Variants in AKAP19 observed in about 807,000 individuals in gnomAD.
The protein encoded by AKAP19 is A-kinase anchoring protein 19.
At chr2:190,100,895 A>G in the AKAP19 span, among the ~76,000 whole-genome samples, 1 of 152,172 alleles carries the variant, frequency 6.6e-6, no homozygotes, top group Non-Finnish European at 1.5e-5. Flanking sequence ...GTGAAGCCCC[A>G]GTAGGTGAGA....
chr2:190,027,151 A>G, the AKAP19 span, among the ~76,000 whole-genome samples: 1 of 152,160 alleles, frequency 6.6e-6, no homozygotes, highest in South Asian at 2.1e-4. Context: ...CTTTATACCC[A>G]ACACCATTTG....
chr2:189,923,390 T>C, the AKAP19 span: 1 of 1,612,782 alleles, frequency 6.2e-7, no homozygotes, highest in Non-Finnish European at 8.5e-7. Context: ...CTCCCGTGTA[T>C]TCATTGGGAA....
At chr2:189,955,090 C>T in the AKAP19 span, among the ~76,000 whole-genome samples, 2 of 152,042 alleles carry the variant, frequency 1.3e-5, no homozygotes, top group African/African-American at 2.4e-5. Context: ...TTCATCTGTA[C>T]CTGCCTCCCA....
chr2:190,103,875 G>A, the AKAP19 span, among the ~76,000 whole-genome samples: 1 of 152,020 alleles, frequency 6.6e-6, no homozygotes, highest in South Asian at 2.1e-4. Flanking sequence ...AATAGCCAAA[G>A]CAATCCTAAG....
At chr2:189,951,049 A>G in the AKAP19 span, among the ~76,000 whole-genome samples, 1 of 152,074 alleles carries the variant, frequency 6.6e-6, no homozygotes, top group African/African-American at 2.4e-5. Flanking sequence ...AGATAAGGGA[A>G]GTTTTGGGGT....
the AKAP19 span, among the ~76,000 whole-genome samples, chr2:190,126,872 A>C: frequency 1.3e-5 from 2 of 152,146 alleles, no homozygotes; most frequent in African/African-American, 4.8e-5. Context: ...TTGTAAGTTT[A>C]AATAGACTAT....
the AKAP19 span, among the ~76,000 whole-genome samples, chr2:189,996,403 A>G: frequency 6.6e-6 from 1 of 151,942 alleles, no homozygotes; most frequent in Non-Finnish European, 1.5e-5. Flanking sequence ...TCTACAGTGC[A>G]GTTTGTATTT....
the AKAP19 span, among the ~76,000 whole-genome samples, chr2:189,969,667 T>G: frequency 6.9e-6 from 1 of 144,844 alleles, no homozygotes; most frequent in South Asian, 2.2e-4. Flanking sequence ...AGGCAGAGGT[T>G]GTGGTGAGCC....
At chr2:190,140,997 A>G in the AKAP19 span, among the ~76,000 whole-genome samples, 1 of 152,320 alleles carries the variant, frequency 6.6e-6, no homozygotes, top group South Asian at 2.1e-4. Flanking sequence ...TCTCTAGGGC[A>G]GGGGAAAAAT....
the AKAP19 span, among the ~76,000 whole-genome samples, chr2:190,111,807 G>T: frequency 6.6e-6 from 1 of 152,002 alleles, no homozygotes; most frequent in Non-Finnish European, 1.5e-5. Context: ...AAAAACAATT[G>T]TTTTTTGTGT....
At chr2:189,892,806 G>A in the AKAP19 span, among the ~76,000 whole-genome samples, 12 of 152,234 alleles carry the variant, frequency 7.9e-5, no homozygotes, top group Non-Finnish European at 1.8e-4. Context: ...AGGCAGGAAT[G>A]TTTAAGTCTG....
chr2:190,195,994 C>T, the AKAP19 span, among the ~76,000 whole-genome samples: 4 of 131,728 alleles, frequency 3.0e-5, no homozygotes, highest in African/African-American at 8.6e-5. Context: ...TTCCAGCACT[C>T]GTTGAAAAGA....
chr2:190,098,784 C>T, the AKAP19 span, among the ~76,000 whole-genome samples: 1 of 152,178 alleles, frequency 6.6e-6, no homozygotes, highest in Non-Finnish European at 1.5e-5. Flanking sequence ...GTGTAGCCAC[C>T]TTCATCAATG....
chr2:190,144,938 T>C, the AKAP19 span, among the ~76,000 whole-genome samples: 1 of 151,112 alleles, frequency 6.6e-6, no homozygotes, highest in African/African-American at 2.4e-5. Context: ...TATCACTGCA[T>C]TGCACTCCAC....
the AKAP19 span, among the ~76,000 whole-genome samples, chr2:190,159,770 A>G: frequency 1.3e-5 from 2 of 152,246 alleles, no homozygotes; most frequent in Non-Finnish European, 2.9e-5. Context: ...TTTGGCATAC[A>G]TGGAAGCCAA....
the AKAP19 span, among the ~76,000 whole-genome samples, chr2:189,958,981 CA>C: frequency 2.6e-5 from 4 of 151,832 alleles, no homozygotes; most frequent in South Asian, 8.3e-4. Context: ...ATAAAATACA[CA>C]AAAGTGAGGA....
chr2:189,967,157 C>T, the AKAP19 span, among the ~76,000 whole-genome samples: 2 of 152,160 alleles, frequency 1.3e-5, no homozygotes, highest in African/African-American at 4.8e-5. Context: ...ATTTTCCTTC[C>T]TCCTCCTATA....
the AKAP19 span, among the ~76,000 whole-genome samples, chr2:190,190,646 T>C: frequency 3.9e-5 from 6 of 152,332 alleles, no homozygotes; most frequent in Admixed American, 2.6e-4. Flanking sequence ...TTTAAAATGG[T>C]TGTACCATTT....
At chr2:190,056,537 C>T in the AKAP19 span, 1 of 152,492 alleles carries the variant, frequency 6.6e-6, no homozygotes, top group African/African-American at 2.4e-5. Context: ...GAAAGCCAAC[C>T]TCTAGAAAAA....
Sources: allele counts gnomAD v4.1 joint callset (sites outside exome capture counted in the v4.1 genomes callset), GRCh38; gene constraint gnomAD v4.1.1; transcripts MANE v1.5; gene names NCBI Gene and HGNC (gene_info 2026-07-23, HGNC 2026-07-21).